MUC4: variants seen among roughly 807,000 people sequenced by gnomAD.
The protein encoded by MUC4 is mucin-4.
Under a neutral mutation model 257.9 loss-of-function variants are expected in MUC4, and 202 were observed. That is an observed-to-expected ratio of 0.78 (90% CI 0.70 to 0.88). The LOEUF is 0.88. Among genes scored for constraint, MUC4 ranks in the 40% least tolerant of loss-of-function variants. The pLI is 0.00. For synonymous variants in MUC4, 2,351 were observed against 2,757.1 expected (o/e 0.85, Z 4.62); for missense variants, 5,976 against 6,513.7 (o/e 0.92, Z 2.84).
chr3:195,781,269 G>A lies in MUC4; in HGVS notation c.10311C>T (p.His3437=), dbSNP rs1553872831. 142 of 1,505,032 alleles carry A rather than the reference G, an allele frequency of 9.4e-5. 12 individuals carry two copies. Among genetic ancestry groups the A allele is most frequent in the African/African-American group, 3.2e-4 (21 of 66,026 alleles). 93.2% of individuals were successfully genotyped at this position (1,505,032 alleles called of 1,614,324 possible). A position where few individuals can be genotyped will look rare whatever the true frequency, so the allele number is the denominator to read the frequency against. Residue 3437 remains histidine, a synonymous_variant, in exon 2 of 25, where the codon CAC becomes CAT. Transcript: ENST00000463781. ...VTSTSSASTG[H]ATPVPVTSTS... is the part of the protein sequence containing the mutation. ...TGCTGGTGACAGGAACAGGGGTGGC[G>A]TGACCGGTGGATGCTGAGGAAGTGC...
At chr3:195,792,746 G>A (rs1734028344) in intron 1 of MUC4, among the ~76,000 whole-genome samples, 1 of 152,208 alleles carries the variant, frequency 6.6e-6, no homozygotes, top group African/African-American at 2.4e-5. Flanking sequence ...GTCCATCAGT[G>A]ATAGACTGGA....
chr3:195,763,719 GGC>G, intron 11 of MUC4, 78 bp from the exon 12 acceptor site: 2 of 1,345,248 alleles, frequency 1.5e-6, no homozygotes, highest in Middle Eastern at 2.1e-4. Context: ...AGTCAGGTGC[GGC>G]ACTTGTCCAG....
At position 195,785,542 on chromosome 3, in the gene MUC4, T is replaced by G. The variant is rs1560366834; in HGVS notation, c.6038A>C (p.Gln2013Pro). ...VTDTSSVSTG[Q>P]ATPLPVTSLS... ...GCTGGTGACAGGAAGAGGGGTGGCC[T>G]GTCCTGTAGATACTGAGGAAGTGTC... Residue 2013 changes from glutamine (Q) to proline (P), a missense_variant, in exon 2 of 25, where the codon CAG becomes CCG. Transcript: ENST00000463781. 6.6e-7 allele frequency: 1 copy of G among 1,514,020 alleles called. No individual in the cohort carries two copies. Among genetic ancestry groups the G allele is most frequent in the African/African-American group, 1.6e-5 (1 of 62,332 alleles). 93.8% of individuals were successfully genotyped at this position (1,514,020 alleles called of 1,614,324 possible).
At chr3:195,775,901 A>ACGCC (rs2148889069) in intron 3 of MUC4, among the ~76,000 whole-genome samples, 1 of 114,652 alleles carries the variant, frequency 8.7e-6, no homozygotes, top group East Asian at 2.3e-4. Context: ...CATACCTTCC[A>ACGCC]CACCCATACC....
Position 195,775,330 on chromosome 3 carries a change from C to A in MUC4, c.12944-1025G>T, listed in dbSNP as rs1724151340. ...CAGCCACCCCAAATGCTTCGGGGAT[C>A]CACCCCCATGCAGCACCGGGACGAC... On this transcript the variant is annotated intron_variant, in intron 3 of 24. Coordinates refer to ENST00000463781, the MANE Select transcript of MUC4 (RefSeq NM_018406.7). 1.2e-4 allele frequency among the ~76,000 whole-genome samples: 5 copies of A among 42,370 alleles called. 1 individual carries two copies. The South Asian group carries it at 1.3e-3, about 11-fold the overall frequency. 27.8% of individuals were successfully genotyped at this position (42,370 alleles called of 152,430 possible).
chr3:195,767,965 C>T, intron 7 of MUC4, among the ~76,000 whole-genome samples: 1 of 151,304 alleles, frequency 6.6e-6, no homozygotes, highest in Admixed American at 6.6e-5. Context: ...CCACCACCAC[C>T]ACTATCGCCA....
At chr3:195,764,256 G>T in intron 10 of MUC4, 92 bp from the exon 11 acceptor site, 1 of 1,073,580 alleles carries the variant, frequency 9.3e-7, no homozygotes, top group Non-Finnish European at 1.2e-6. Context: ...GCAGGGCAGG[G>T]CGGTGTTGGT....
At chr3:195,773,494 TCAC>T (rs1167059673) in intron 4 of MUC4, among the ~76,000 whole-genome samples, 9,228 of 147,020 alleles carry the variant, frequency 0.063, 2,159 homozygotes, top group African/African-American at 0.19. Context: ...CCTCTCTCTA[TCAC>T]TCAGCAGGTG....
chr3:195,751,548 C>T (rs942318088), intron 21 of MUC4: 5 of 559,538 alleles, frequency 8.9e-6, no homozygotes, highest in African/African-American at 5.7e-5. Flanking sequence ...CATGAATGGC[C>T]CCTACCTTGC....
At chr3:195,807,256 G>A (rs532837797) in intron 1 of MUC4, among the ~76,000 whole-genome samples, 63 of 152,312 alleles carry the variant, frequency 4.1e-4, no homozygotes, top group Admixed American at 9.2e-4. Flanking sequence ...ATCACCTGAG[G>A]TCAGGAGTTC....
chr3:195,781,632 GGTGACAAGAAGAGGAGTGGCGTGACC>G lies in MUC4; in HGVS notation c.9922_9947del (p.Gly3308ArgfsTer25). The G allele has an allele frequency of 1.8e-6, 1 of 540,654 alleles. No individual in the cohort carries two copies. The highest frequency in any genetic ancestry group is 2.4e-6 in the Non-Finnish European group (1 of 410,848). 33.5% of individuals were successfully genotyped at this position (540,654 alleles called of 1,614,324 possible). On this transcript the variant is annotated frameshift_variant, in exon 2 of 25. Coordinates refer to ENST00000463781, the MANE Select transcript of MUC4 (RefSeq NM_018406.7). LOFTEE classifies it high-confidence loss of function. ...GACCTGTGGATGCTGAGGAAGCGTCGGTGACAAGAAGAGGAGTGGCGTGACCTGTGGATACTGAGGAAGTCTCGGTG... is the reference window on the plus strand; with the variant it reads ...GACCTGTGGATGCTGAGGAAGCGTCGTGTGGATACTGAGGAAGTCTCGGTG...
chr3:195,754,808 ATGTATCCATGTG>A (rs71180951), intron 18 of MUC4, among the ~76,000 whole-genome samples: 103,597 of 148,670 alleles, frequency 0.7, 37,691 homozygotes, highest in Non-Finnish European at 0.81. Context: ...GTATGCATGT[ATGTATCCATGTG>A]TGTATCCATG....
intron 10 of MUC4, 140 bp downstream of exon 10, chr3:195,764,857 G>T: frequency 8.0e-7 from 1 of 1,256,916 alleles, no homozygotes. Flanking sequence ...GGGGATGTTG[G>T]AAGCTTCCTA....
At chr3:195,767,791 T>TCACCACCACCATC (rs1721596966) in intron 7 of MUC4, among the ~76,000 whole-genome samples, 1 of 20,882 alleles carries the variant, frequency 4.8e-5, no homozygotes, top group Non-Finnish European at 1.0e-4. Context: ...CCACCATCAT[T>TCACCACCACCATC]GCCACCACCA....
In MUC4 at chr3:195,780,341, C is replaced by G. The variant is rs746940366; in HGVS notation, c.11239G>C (p.Val3747Leu). ...GTGGATGCTGAGGAAGTGCTGGTGA[C>G]AGGAAGAGGGGTGACGTGACCTGTG... Reference protein sequence around the residue: ...ASTGHVTPLPVTSTSSASTGH... With the variant: ...ASTGHVTPLPLTSTSSASTGH... The change falls in exon 2 of 25, where the codon GTC (valine) becomes CTC (leucine). Residue 3747 changes from valine (V) to leucine (L), a missense_variant. Val to Leu is a conservative substitution (Grantham distance 32). Coordinates refer to ENST00000463781, the MANE Select transcript of MUC4 (RefSeq NM_018406.7). 1.3e-6 allele frequency: 2 copies of G among 1,529,698 alleles called. No individual in the cohort carries two copies. The highest frequency in any genetic ancestry group is 2.0e-5 in the Admixed American group (1 of 49,764). 94.8% of individuals were successfully genotyped at this position (1,529,698 alleles called of 1,614,324 possible). A position where few individuals can be genotyped will look rare whatever the true frequency, so the allele number is the denominator to read the frequency against.
chr3:195,753,199 C>G lies in MUC4; in HGVS notation c.15360G>C (p.Gln5120His). 1 of 1,613,960 alleles carries G rather than the reference C, an allele frequency of 6.2e-7. No individual in the cohort carries two copies. Among genetic ancestry groups the G allele is most frequent in the South Asian group, 1.1e-5 (1 of 91,060 alleles). Reference sequence around the variant, plus strand: ...TGTAGCAGTAATTCACAGGGCAGGACTGGTTCTGACACAGGAAAGAGCTCC... The same window carrying G: ...TGTAGCAGTAATTCACAGGGCAGGAGTGGTTCTGACACAGGAAAGAGCTCC... ...ALGSSFLCQN[Q>H]SCPVNYCYNQ... Residue 5120 changes from glutamine (Q) to histidine (H), a missense_variant, in exon 20 of 25, where the codon CAG (glutamine) becomes CAC (histidine). By Grantham distance (24) the Gln-to-His change is conservative. Transcript: ENST00000463781.
chr3:195,764,354 G>A (rs1169222019), intron 10 of MUC4, among the ~76,000 whole-genome samples, 190 bp from the exon 11 acceptor site: 2 of 152,000 alleles, frequency 1.3e-5, no homozygotes, highest in African/African-American at 2.4e-5. Context: ...GCAGGGCGGT[G>A]TTGGTGGCAA....
Position 195,778,376 on chromosome 3 carries a change from G to A in MUC4, c.12870C>T (p.Ile4290=), listed in dbSNP as rs76650792. The A allele has an allele frequency of 1.2e-6, 2 of 1,613,108 alleles. No homozygotes were observed. The highest frequency in any genetic ancestry group is 1.3e-5 in the African/African-American group (1 of 74,916). ...TGGCAGTGCTGGGAATGGTGGAAAT[G>A]ATGGTCTGGGAGGTTGTGGGGGGTG... The part of the protein sequence containing the change: ...TSPPPTTSQT[I]ISTIPSTAMH... The change falls in exon 3 of 25, where the codon ATC becomes ATT. Residue 4290 remains isoleucine (I), a synonymous_variant. Coordinates refer to ENST00000463781, the MANE Select transcript of MUC4 (RefSeq NM_018406.7).
In MUC4 at chr3:195,754,348, C is replaced by T; in HGVS notation, c.15193G>A (p.Gly5065Ser). The change falls in exon 19 of 25, where the codon GGC (glycine) becomes AGC (serine). Residue 5065 changes from glycine to serine, a missense_variant. Coordinates refer to ENST00000463781, the MANE Select transcript of MUC4 (RefSeq NM_018406.7). ...CCCTCGCAGTAGCGGCCGAAGGTGC[C>T]CCCGTCACACTTGCAGCCAGCCACC... ...LEVAGCKCDGGTFGRYCEGSE... is the reference protein window; with the variant it reads ...LEVAGCKCDGSTFGRYCEGSE... 6.2e-7 allele frequency: 1 copy of T among 1,610,566 alleles called. No homozygotes were observed. Among genetic ancestry groups the T allele is most frequent in the Non-Finnish European group, 8.5e-7 (1 of 1,178,900 alleles).
Sources: gnomAD v4.1 joint callset for allele counts (sites outside exome capture counted in the v4.1 genomes callset) on GRCh38, gnomAD v4.1.1 for gene constraint, MANE v1.5 for transcripts, NCBI Gene and HGNC (gene_info 2026-07-23, HGNC 2026-07-21) for gene names.